Variants in LRBA observed in about 807,000 individuals in gnomAD.
LRBA encodes lipopolysaccharide-responsive and beige-like anchor protein.
Under a neutral mutation model 330.0 loss-of-function variants are expected in LRBA, and 176 were observed. The observed-to-expected ratio is 0.53, with a 90% CI of 0.47 to 0.60. The LOEUF is 0.60. Among genes scored for constraint, LRBA ranks in the 20% least tolerant of loss-of-function variants. The probability of loss-of-function intolerance (pLI) is 0.00; values close to 1 mark genes in which losing one functional copy is unlikely to be tolerated. For synonymous variants in LRBA, 1,230 were observed against 1,193.0 expected (o/e 1.03, Z -0.64); for missense variants, 3,259 against 3,444.8 (o/e 0.95, Z 1.35).
intron 35 of LRBA, among the ~76,000 whole-genome samples, chr4:150,749,279 A>C (rs891132201): frequency 2.6e-5 from 4 of 152,182 alleles, no homozygotes; most frequent in African/African-American, 9.6e-5. Context: ...GACTACATCA[A>C]AACTTCTGGG....
chr4:150,538,979 C>CTT (rs534934244), intron 40 of LRBA, among the ~76,000 whole-genome samples: 1 of 146,708 alleles, frequency 6.8e-6, no homozygotes, highest in South Asian at 2.2e-4. Flanking sequence ...AAACCTTTAA[C>CTT]TTTTTTTTTT....
At chr4:150,344,845 C>T (rs1736068472) in intron 48 of LRBA, among the ~76,000 whole-genome samples, 1 of 145,558 alleles carries the variant, frequency 6.9e-6, no homozygotes, top group South Asian at 2.1e-4. Flanking sequence ...GCCACCATGC[C>T]CTGCTGAAAA....
chr4:150,626,672 T>G (rs1253556300), intron 37 of LRBA, among the ~76,000 whole-genome samples: 2 of 152,086 alleles, frequency 1.3e-5, no homozygotes, highest in East Asian at 3.8e-4. Flanking sequence ...ATTAAATACA[T>G]ATGTAAAGAA....
chr4:150,421,193 CAT>C (rs1433444383), intron 46 of LRBA, among the ~76,000 whole-genome samples: 6 of 128,094 alleles, frequency 4.7e-5, no homozygotes, highest in Admixed American at 3.5e-4. Flanking sequence ...ATATATAAAA[CAT>C]ATATAATATA....
At chr4:150,596,760 T>A (rs1773530916) in intron 38 of LRBA, among the ~76,000 whole-genome samples, 1 of 151,618 alleles carries the variant, frequency 6.6e-6, no homozygotes, top group Non-Finnish European at 1.5e-5. Flanking sequence ...AATACACCAG[T>A]AAAAAATTAA....
intron 44 of LRBA, among the ~76,000 whole-genome samples, chr4:150,450,111 T>A (rs930799550): frequency 2.0e-5 from 3 of 152,086 alleles, no homozygotes; most frequent in Non-Finnish European, 4.4e-5. Context: ...CTGCAAGTAA[T>A]AATCAAAATA....
chr4:150,555,190 G>A (rs1021995029), intron 40 of LRBA, among the ~76,000 whole-genome samples: 15 of 152,126 alleles, frequency 9.9e-5, no homozygotes, highest in Admixed American at 7.2e-4. Context: ...TCTAGGTCTT[G>A]TGGTGAACAC....
chr4:150,452,382 G>A (rs1753452787), intron 44 of LRBA, among the ~76,000 whole-genome samples: 1 of 152,152 alleles, frequency 6.6e-6, no homozygotes, highest in Non-Finnish European at 1.5e-5. Flanking sequence ...GAACTTCTTT[G>A]GGAGGCCGAG....
intron 47 of LRBA, among the ~76,000 whole-genome samples, chr4:150,397,867 C>T (rs1232319527): frequency 6.6e-6 from 1 of 152,140 alleles, no homozygotes; most frequent in Non-Finnish European, 1.5e-5. Context: ...CCATAAATGG[C>T]TTACAACAAT....
At chr4:150,811,842 A>G (rs1006994263) in intron 31 of LRBA, among the ~76,000 whole-genome samples, 22 of 152,192 alleles carry the variant, frequency 1.4e-4, no homozygotes, top group African/African-American at 5.1e-4. Context: ...TGAGAAATGC[A>G]TATTAGAAAT....
intron 31 of LRBA, among the ~76,000 whole-genome samples, chr4:150,813,653 C>G (rs959190025): frequency 2.0e-5 from 3 of 151,992 alleles, no homozygotes; most frequent in African/African-American, 4.8e-5. Flanking sequence ...CTATCTAGTA[C>G]TAGTTTCTCT....
intron 40 of LRBA, among the ~76,000 whole-genome samples, chr4:150,554,351 C>G (rs1238032857): frequency 1.3e-5 from 2 of 152,136 alleles, no homozygotes; most frequent in African/African-American, 4.8e-5. Flanking sequence ...GGATACTGCG[C>G]TGGAGCAAGA....
chr4:150,297,479 C>T (rs986054297), intron 53 of LRBA, among the ~76,000 whole-genome samples: 1 of 152,154 alleles, frequency 6.6e-6, no homozygotes, highest in Non-Finnish European at 1.5e-5. Context: ...GAAAACGCTT[C>T]TTGATAAATG....
chr4:150,745,406 AAATT>A (rs1732552882), intron 35 of LRBA, among the ~76,000 whole-genome samples: 2 of 139,942 alleles, frequency 1.4e-5, no homozygotes, highest in Non-Finnish European at 3.1e-5. Flanking sequence ...CTCCAATAGA[AAATT>A]AGAGCATGAA....
At chr4:150,607,877 A>C (rs1356870508) in intron 37 of LRBA, among the ~76,000 whole-genome samples, 1 of 152,164 alleles carries the variant, frequency 6.6e-6, no homozygotes, top group Non-Finnish European at 1.5e-5. Context: ...TCTACTAAAA[A>C]TACAAAAATT....
intron 2 of LRBA, among the ~76,000 whole-genome samples, chr4:150,983,216 G>T (rs1399576501): frequency 1.3e-5 from 2 of 152,056 alleles, no homozygotes; most frequent in African/African-American, 4.8e-5. Flanking sequence ...CCAGCATTTG[G>T]GAGGCTGAGG....
chr4:150,452,113 T>C (rs1434761715), intron 44 of LRBA, among the ~76,000 whole-genome samples: 5 of 152,118 alleles, frequency 3.3e-5, no homozygotes. Context: ...AACTAAACAA[T>C]ATTACAGGCC....
chr4:150,843,721 T>C lies in LRBA; in HGVS notation c.4569+379A>G, dbSNP rs566375443. Among the ~76,000 whole-genome samples the C allele has an allele frequency of 3.9e-5, 6 of 152,340 alleles. No individual in the cohort carries two copies. In the South Asian group the frequency reaches 8.3e-4, roughly 21 times the overall value. On this transcript the variant is annotated intron_variant, in intron 28 of 56. Transcript: ENST00000651943. ...CTGGGTTTGAATCCTGATTTTATCA[T>C]TGTTTATCAACACTAGCTTGGAGAT... is the stretch of plus-strand genomic sequence containing the variant.
chr4:150,806,005 T>C (rs1034926395), intron 33 of LRBA, among the ~76,000 whole-genome samples: 2 of 127,360 alleles, frequency 1.6e-5, no homozygotes, highest in African/African-American at 3.0e-5. Flanking sequence ...GCTCTCAAAA[T>C]TAATTTTAAT....
Sources: allele counts gnomAD v4.1 joint callset (sites outside exome capture counted in the v4.1 genomes callset), GRCh38; gene constraint gnomAD v4.1.1; transcripts MANE v1.5; gene names NCBI Gene and HGNC (gene_info 2026-07-23, HGNC 2026-07-21).